Variants in FHIT observed in about 807,000 individuals in gnomAD.
FHIT encodes the protein fragile histidine triad diadenosine triphosphatase.
A neutral mutation model predicts 17.9 loss-of-function variants in FHIT; 19 were observed. That is an observed-to-expected ratio of 1.06 (90% CI 0.74 to 1.56). The LOEUF (loss-of-function observed/expected upper bound fraction) is 1.56. Among genes scored for constraint, FHIT ranks in the 40% most tolerant of loss-of-function variants. The pLI, the probability that FHIT is intolerant of heterozygous loss-of-function variation, is 0.00. For synonymous variants in FHIT, 81 were observed against 69.7 expected, an observed-to-expected ratio of 1.16 and a Z score of -0.81; for missense variants, 248 against 189.2, an observed-to-expected ratio of 1.31 and a Z score of -1.82.
chr3:61,242,870 C>G (rs1177956151), intron 1 of FHIT, among the ~76,000 whole-genome samples: 4 of 152,154 alleles, frequency 2.6e-5, no homozygotes, highest in African/African-American at 9.7e-5. Flanking sequence ...CCATCTAGTG[C>G]AAGGTTGGAA....
intron 4 of FHIT, among the ~76,000 whole-genome samples, chr3:60,708,113 A>C (rs2107926806): frequency 6.6e-6 from 1 of 152,352 alleles, no homozygotes; most frequent in Admixed American, 6.5e-5. Flanking sequence ...GTGAAAATAC[A>C]GTGGTTGGCA....
Position 59,847,060 on chromosome 3 carries a change from C to T in FHIT, c.348+75286G>A, listed in dbSNP as rs558564761. Among the ~76,000 whole-genome samples, 390 of 152,226 alleles carry T rather than the reference C, an allele frequency of 2.6e-3. 3 individuals carry two copies. The highest frequency in any genetic ancestry group is 7.0e-3 in the Admixed American group (107 of 15,294). On this transcript the variant is annotated intron_variant, in intron 8 of 9. Coordinates refer to ENST00000492590, the MANE Select transcript of FHIT (RefSeq NM_002012.4). ...ATTTATAATGTGTTTTGGTGTGAGT[C>T]TTTCAGGCTCACCCTATTTGTATTT...
chr3:60,127,669 T>A (rs1705618681), intron 5 of FHIT, among the ~76,000 whole-genome samples: 1 of 152,168 alleles, frequency 6.6e-6, no homozygotes, highest in Non-Finnish European at 1.5e-5. Context: ...TAGCATGATC[T>A]AGGCCCACTG....
At chr3:60,585,804 C>G (rs534870539) in intron 4 of FHIT, among the ~76,000 whole-genome samples, 8 of 152,004 alleles carry the variant, frequency 5.3e-5, no homozygotes, top group Non-Finnish European at 4.4e-5. Context: ...AAAGTGGGTT[C>G]TGTGAAACAC....
intron 8 of FHIT, among the ~76,000 whole-genome samples, chr3:59,869,299 G>T (rs946689795): frequency 1.3e-5 from 2 of 152,072 alleles, no homozygotes; most frequent in East Asian, 1.9e-4. Flanking sequence ...ACACATAAGG[G>T]TCTCAAAGAT....
At chr3:61,175,462 C>T (rs1478948347) in intron 2 of FHIT, among the ~76,000 whole-genome samples, 1 of 152,136 alleles carries the variant, frequency 6.6e-6, no homozygotes, top group Non-Finnish European at 1.5e-5. Context: ...ATACTATCAA[C>T]TCAGCTTGAC....
intron 5 of FHIT, among the ~76,000 whole-genome samples, chr3:60,370,750 A>AC (rs1177594889): frequency 6.6e-6 from 1 of 152,114 alleles, no homozygotes; most frequent in Non-Finnish European, 1.5e-5. Flanking sequence ...TTTAAAAATC[A>AC]CTCACTCTAT....
intron 8 of FHIT, among the ~76,000 whole-genome samples, chr3:59,897,148 C>A (rs747805560): frequency 1.1e-4 from 17 of 152,186 alleles, no homozygotes; most frequent in Non-Finnish European, 2.1e-4. Context: ...CTTATTTACA[C>A]CACAGCTGAG....
intron 5 of FHIT, among the ~76,000 whole-genome samples, chr3:60,433,949 C>T (rs1279965886): frequency 6.6e-6 from 1 of 151,928 alleles, no homozygotes; most frequent in Non-Finnish European, 1.5e-5. Context: ...ATTTTTGGTG[C>T]CTGTGATTTC....
chr3:59,930,674 AAAAC>A (rs760861056), intron 7 of FHIT, among the ~76,000 whole-genome samples: 37 of 152,322 alleles, frequency 2.4e-4, no homozygotes, highest in Admixed American at 1.1e-3. Context: ...ATTTATTACT[AAAAC>A]AAACAAACAG....
intron 2 of FHIT, among the ~76,000 whole-genome samples, chr3:61,157,114 G>A (rs543946314): frequency 1.3e-5 from 2 of 152,180 alleles, no homozygotes; most frequent in South Asian, 2.1e-4. Context: ...AATACCATAC[G>A]ACAACAGAGA....
chr3:61,077,284 TGA>T lies in FHIT; in HGVS notation c.-163-35187_-163-35186del, dbSNP rs1374394016. ...AAGTATATACTAGTGAGAAATGAAG[TGA>T]CAGGAGCTATGGCTCAGGGTAAACA... On this transcript the variant is annotated intron_variant, in intron 2 of 9. Transcript: ENST00000492590. Among the ~76,000 whole-genome samples, 6 of 152,020 alleles carry T rather than the reference TGA, an allele frequency of 3.9e-5. No homozygotes were observed. The South Asian group carries it at 1.2e-3, about 32-fold the overall frequency.
chr3:60,686,629 G>A (rs1168739966), intron 4 of FHIT, among the ~76,000 whole-genome samples: 1 of 152,048 alleles, frequency 6.6e-6, no homozygotes, highest in Non-Finnish European at 1.5e-5. Context: ...TGGTCTGCCT[G>A]TGTATGTATA....
chr3:59,862,962 G>T (rs1188272013), intron 8 of FHIT, among the ~76,000 whole-genome samples: 1 of 152,176 alleles, frequency 6.6e-6, no homozygotes, highest in African/African-American at 2.4e-5. Context: ...AGGCTAGTTT[G>T]CACTGCACAA....
intron 2 of FHIT, among the ~76,000 whole-genome samples, chr3:61,092,384 C>G (rs2035512793): frequency 6.6e-6 from 1 of 152,106 alleles, no homozygotes. Context: ...TCTCCATCAT[C>G]CTTCCTATTT....
Position 60,907,371 on chromosome 3 carries a change from A to C in FHIT, c.-110-85360T>G, listed in dbSNP as rs757792209. Among the ~76,000 whole-genome samples, 28 of 152,232 alleles carry C rather than the reference A, an allele frequency of 1.8e-4. 1 individual carries two copies. The highest frequency in any genetic ancestry group is 6.3e-3 in the Middle Eastern group (2 of 316). On this transcript the variant is annotated intron_variant, in intron 3 of 9. Transcript: ENST00000492590. ...ATCTTCAAAAATACAGACTCATGAA[A>C]GAGAAATAAAAGGCAGGAGAATATT...
At chr3:60,090,578 CA>C (rs1008660919) in intron 5 of FHIT, among the ~76,000 whole-genome samples, 2 of 152,136 alleles carry the variant, frequency 1.3e-5, no homozygotes, top group African/African-American at 4.8e-5. Flanking sequence ...CTGACACCCA[CA>C]AGTAATTGAA....
chr3:60,604,467 G>A (rs1437492693), intron 4 of FHIT, among the ~76,000 whole-genome samples: 1 of 152,178 alleles, frequency 6.6e-6, no homozygotes, highest in Admixed American at 6.5e-5. Flanking sequence ...GGAAGAGCCA[G>A]ACATGCATTT....
At chr3:60,961,895 T>C (rs1709469496) in intron 3 of FHIT, among the ~76,000 whole-genome samples, 1 of 152,204 alleles carries the variant, frequency 6.6e-6, no homozygotes, top group Non-Finnish European at 1.5e-5. Flanking sequence ...TGGCTTAGGA[T>C]TGACTTGGCA....
Sources: gnomAD v4.1 joint callset for allele counts (sites outside exome capture counted in the v4.1 genomes callset) on GRCh38, gnomAD v4.1.1 for gene constraint, MANE v1.5 for transcripts, NCBI Gene and HGNC (gene_info 2026-07-23, HGNC 2026-07-21) for gene names.